Variants in WDR72 observed in about 807,000 individuals in gnomAD.
The protein encoded by WDR72 is WD repeat-containing protein 72.
Under a neutral mutation model 124.2 loss-of-function variants are expected in WDR72, and 120 were observed. The observed-to-expected ratio is 0.97, with a 90% CI of 0.83 to 1.12. WDR72 has a LOEUF of 1.12. WDR72 is among the 50% of genes most tolerant of loss of function. The pLI is 0.00. For synonymous variants in WDR72, 452 were observed against 441.7 expected (o/e 1.02, Z -0.29); for missense variants, 1,387 against 1,278.8 (o/e 1.08, Z -1.29).
chr15:53,609,034 C>T (rs72747328), intron 17 of WDR72, among the ~76,000 whole-genome samples: 43,722 of 151,854 alleles, frequency 0.29, 7,634 homozygotes, highest in Middle Eastern at 0.53. Flanking sequence ...AGGACAAATG[C>T]TTGAGGTTAT....
intron 6 of WDR72, 144 bp downstream of exon 6, chr15:53,714,290 G>A (rs2017641749): frequency 1.4e-6 from 1 of 724,782 alleles, no homozygotes; most frequent in Non-Finnish European, 2.4e-6. Context: ...GAAGATGGAT[G>A]GGGGAAATAT....
upstream of WDR72, among the ~76,000 whole-genome samples, chr15:53,760,659 C>T (rs1433734878): frequency 6.6e-6 from 1 of 152,136 alleles, no homozygotes; most frequent in East Asian, 1.9e-4. Context: ...GCAGATATTT[C>T]TTTGATATAC....
intron 18 of WDR72, among the ~76,000 whole-genome samples, chr15:53,531,915 G>A (rs528445605): frequency 2.4e-4 from 36 of 152,208 alleles, no homozygotes; most frequent in Middle Eastern, 3.4e-3. Flanking sequence ...GGGTTCTTGA[G>A]TTGTGAAATG....
chr15:53,588,529 A>C lies in WDR72; in HGVS notation c.3148+8550T>G, dbSNP rs1436855608. ...GCTGAAAATTGGGCAGATAAATTGA[A>C]GAGTTAAAATGGAAGGATAAGGCTC... On this transcript the variant is annotated intron_variant, in intron 18 of 19. Transcript: ENST00000360509. Among the ~76,000 whole-genome samples, 5 of 152,126 alleles carry C rather than the reference A, an allele frequency of 3.3e-5. No homozygotes were observed. The East Asian group carries it at 9.7e-4, about 30-fold the overall frequency.
At chr15:53,612,646 T>C (rs2013592986) in intron 16 of WDR72, among the ~76,000 whole-genome samples, 1 of 151,976 alleles carries the variant, frequency 6.6e-6, no homozygotes, top group African/African-American at 2.4e-5. Context: ...GGTGTATATG[T>C]GATGACATAG....
intron 18 of WDR72, among the ~76,000 whole-genome samples, chr15:53,554,323 T>C (rs1027305964): frequency 2.0e-5 from 3 of 151,764 alleles, no homozygotes; most frequent in Non-Finnish European, 4.4e-5. Flanking sequence ...TTATTTACCA[T>C]AAATTGGAAA....
At chr15:53,723,045 T>A in intron 2 of WDR72, 137 bp from the exon 3 acceptor site, 2 of 767,536 alleles carry the variant, frequency 2.6e-6, no homozygotes, top group South Asian at 3.0e-5. Context: ...AACTGATATA[T>A]GTAATAACAA....
At chr15:53,571,996 G>A (rs986910106) in intron 18 of WDR72, among the ~76,000 whole-genome samples, 1 of 151,910 alleles carries the variant, frequency 6.6e-6, no homozygotes, top group African/African-American at 2.4e-5. Flanking sequence ...TCATATACCT[G>A]TTGGCCATTT....
At chr15:53,718,202 G>GC (rs935833482) in intron 3 of WDR72, among the ~76,000 whole-genome samples, 3 of 141,614 alleles carry the variant, frequency 2.1e-5, no homozygotes, top group Admixed American at 1.3e-4. Flanking sequence ...TGGGATCCTG[G>GC]CATGTGTGGT....
intron 17 of WDR72, among the ~76,000 whole-genome samples, chr15:53,601,586 C>G (rs1332635731): frequency 6.6e-6 from 1 of 150,430 alleles, no homozygotes; most frequent in Non-Finnish European, 1.5e-5. Flanking sequence ...AGAACCAAAA[C>G]TATCGGTATG....
chr15:53,542,679 A>T (rs1329399292), intron 18 of WDR72, among the ~76,000 whole-genome samples: 2 of 40,726 alleles, frequency 4.9e-5, no homozygotes, highest in Admixed American at 2.8e-4. Flanking sequence ...AAATGCTCCA[A>T]TTAAAAGACA....
chr15:53,735,716 T>G (rs1474994890), intron 1 of WDR72, among the ~76,000 whole-genome samples: 1 of 152,034 alleles, frequency 6.6e-6, no homozygotes, highest in Non-Finnish European at 1.5e-5. Context: ...TAAAAAATTA[T>G]AAAACATTCA....
At chr15:53,726,249 T>G (rs1239736833) in intron 2 of WDR72, among the ~76,000 whole-genome samples, 1 of 99,122 alleles carries the variant, frequency 1.0e-5, no homozygotes, top group Non-Finnish European at 2.1e-5. Flanking sequence ...TGTGTGTATA[T>G]ATATATGTAT....
chr15:53,585,802 G>T (rs1198809907), intron 18 of WDR72, among the ~76,000 whole-genome samples: 1 of 151,924 alleles, frequency 6.6e-6, no homozygotes, highest in Non-Finnish European at 1.5e-5. Flanking sequence ...TCCAACGCTG[G>T]GTCAGATATT....
chr15:53,696,830 A>G (rs181561832), intron 13 of WDR72, among the ~76,000 whole-genome samples: 1 of 152,374 alleles, frequency 6.6e-6, no homozygotes, highest in African/African-American at 2.4e-5. Context: ...ACGAGAATAA[A>G]GGAACAGCAT....
intron 19 of WDR72, among the ~76,000 whole-genome samples, chr15:53,519,574 A>G (rs1014403593): frequency 3.8e-4 from 58 of 152,242 alleles, no homozygotes; most frequent in African/African-American, 1.4e-3. Context: ...TTGCTAATGA[A>G]TTATTCCGAA....
chr15:53,704,597 G>A (rs2017284486), intron 11 of WDR72, among the ~76,000 whole-genome samples: 1 of 151,072 alleles, frequency 6.6e-6, no homozygotes, highest in Admixed American at 6.6e-5. Context: ...CGTGATCTCA[G>A]CTCACTGCAA....
chr15:53,612,518 G>A (rs2013584659), intron 16 of WDR72, among the ~76,000 whole-genome samples: 2 of 151,990 alleles, frequency 1.3e-5, no homozygotes, highest in African/African-American at 2.4e-5. Context: ...ACAGGCAAAG[G>A]TACAGCTAAT....
At chr15:53,760,793 A>T (rs1488735440), upstream of WDR72, among the ~76,000 whole-genome samples, 1 of 152,204 alleles carries the variant, frequency 6.6e-6, no homozygotes, top group East Asian at 1.9e-4. Context: ...AAGAGCTTAA[A>T]CAACTCAATA....
Sources: gnomAD v4.1 joint callset for allele counts (sites outside exome capture counted in the v4.1 genomes callset) on GRCh38, gnomAD v4.1.1 for gene constraint, MANE v1.5 for transcripts, NCBI Gene and HGNC (gene_info 2026-07-23, HGNC 2026-07-21) for gene names.